Variants in AGBL4 observed in about 807,000 individuals in gnomAD.
AGBL4 encodes AGBL carboxypeptidase 4, also known as cytosolic carboxypeptidase 6.
AGBL4 carries 58 observed loss-of-function variants against 66.4 expected under a neutral mutation model. That is an observed-to-expected ratio of 0.87 (90% CI 0.71 to 1.09). AGBL4 has a LOEUF of 1.09. AGBL4 is among the 50% of genes least tolerant of loss of function. The probability of loss-of-function intolerance (pLI) is 0.00; values close to 1 mark genes in which losing one functional copy is unlikely to be tolerated. For missense variants in AGBL4, 579 were observed against 631.0 expected (o/e 0.92, Z 0.88); for synonymous variants, 234 against 222.9 (o/e 1.05, Z -0.44).
At chr1:49,945,166 C>A (rs1305574612) in intron 1 of AGBL4, among the ~76,000 whole-genome samples, 2 of 152,006 alleles carry the variant, frequency 1.3e-5, no homozygotes, top group African/African-American at 2.4e-5. Flanking sequence ...GGAAAACTTC[C>A]CCCAGCCTTG....
At chr1:49,442,336 A>G (rs2148670006) in intron 3 of AGBL4, among the ~76,000 whole-genome samples, 1 of 152,324 alleles carries the variant, frequency 6.6e-6, no homozygotes, top group East Asian at 1.9e-4. Flanking sequence ...AAGTGGGAAG[A>G]CTATTCCAAG....
chr1:49,259,085 A>C (rs1015260723), intron 3 of AGBL4, among the ~76,000 whole-genome samples: 246 of 152,246 alleles, frequency 1.6e-3, no homozygotes, highest in Non-Finnish European at 2.7e-3. Flanking sequence ...GAAATAAAAT[A>C]CCTTACAGAC....
At chr1:49,085,693 GCTGA>G (rs1182005995) in intron 4 of AGBL4, among the ~76,000 whole-genome samples, 2 of 152,022 alleles carry the variant, frequency 1.3e-5, no homozygotes, top group African/African-American at 2.4e-5. Context: ...TGGGCTCAGT[GCTGA>G]GGCAGAAAAA....
intron 3 of AGBL4, among the ~76,000 whole-genome samples, chr1:49,272,317 A>G (rs1644078157): frequency 6.6e-6 from 1 of 152,204 alleles, no homozygotes; most frequent in African/African-American, 2.4e-5. Flanking sequence ...TAGGCTCTAA[A>G]CATGACAAAT....
At chr1:48,624,009 A>T (rs1570043720) in intron 9 of AGBL4, among the ~76,000 whole-genome samples, 1 of 152,180 alleles carries the variant, frequency 6.6e-6, no homozygotes, top group Non-Finnish European at 1.5e-5. Context: ...TGGAGAAGCA[A>T]GTTTGGTCTA....
chr1:49,972,242 A>G (rs988066656), intron 1 of AGBL4, among the ~76,000 whole-genome samples: 1 of 151,856 alleles, frequency 6.6e-6, no homozygotes, highest in African/African-American at 2.4e-5. Flanking sequence ...TATATTGCCT[A>G]GTGGTGTTTT....
chr1:49,518,821 T>C (rs975569693), intron 3 of AGBL4, among the ~76,000 whole-genome samples: 1 of 152,068 alleles, frequency 6.6e-6, no homozygotes, highest in Non-Finnish European at 1.5e-5. Flanking sequence ...TTTTTAATAT[T>C]TGTCGTAACT....
intron 1 of AGBL4, among the ~76,000 whole-genome samples, chr1:49,924,029 T>G (rs1231742718): frequency 6.6e-6 from 1 of 152,204 alleles, no homozygotes; most frequent in African/African-American, 2.4e-5. Flanking sequence ...GTATGTTAAT[T>G]GCAGCACTAT....
chr1:48,902,225 A>G (rs1411330465), intron 5 of AGBL4, among the ~76,000 whole-genome samples: 1 of 152,210 alleles, frequency 6.6e-6, no homozygotes, highest in African/African-American at 2.4e-5. Flanking sequence ...AAATGTATCA[A>G]ATTGTACAGT....
At chr1:49,246,527 A>G (rs1289851152) in intron 3 of AGBL4, among the ~76,000 whole-genome samples, 1 of 151,856 alleles carries the variant, frequency 6.6e-6, no homozygotes, top group East Asian at 1.9e-4. Flanking sequence ...ATCTCAGCAT[A>G]CGTTTATAGC....
intron 5 of AGBL4, among the ~76,000 whole-genome samples, chr1:48,873,447 CT>C (rs1270524384): frequency 6.6e-6 from 1 of 152,108 alleles, no homozygotes; most frequent in African/African-American, 2.4e-5. Context: ...GGTCCTTCCC[CT>C]GTCCTTCCCC....
chr1:48,684,626 T>G (rs1326899144), intron 6 of AGBL4, among the ~76,000 whole-genome samples: 4 of 152,178 alleles, frequency 2.6e-5, no homozygotes, highest in Non-Finnish European at 5.9e-5. Flanking sequence ...CACTTATGCC[T>G]AACATTGTGA....
intron 1 of AGBL4, among the ~76,000 whole-genome samples, chr1:50,003,333 T>C (rs913228192): frequency 6.6e-6 from 1 of 152,232 alleles, no homozygotes; most frequent in African/African-American, 2.4e-5. Flanking sequence ...TATTACCCAG[T>C]GCATTCAAAG....
intron 4 of AGBL4, among the ~76,000 whole-genome samples, chr1:49,201,133 T>G (rs1647666113): frequency 6.6e-6 from 1 of 152,186 alleles, no homozygotes; most frequent in Non-Finnish European, 1.5e-5. Context: ...GGCTCTATAT[T>G]AGATGGGCTT....
chr1:49,518,782 C>G (rs541551020), intron 3 of AGBL4, among the ~76,000 whole-genome samples: 18 of 152,128 alleles, frequency 1.2e-4, no homozygotes, highest in African/African-American at 3.9e-4. Flanking sequence ...ATGTATGAAT[C>G]ACAAAATACT....
chr1:49,251,221 T>A (rs1312049751), intron 3 of AGBL4, among the ~76,000 whole-genome samples: 2 of 152,150 alleles, frequency 1.3e-5, no homozygotes, highest in Admixed American at 1.3e-4. Context: ...TCAATGGCCA[T>A]GCACCAGCTG....
At chr1:49,742,304 G>A (rs1650575004) in intron 2 of AGBL4, among the ~76,000 whole-genome samples, 1 of 151,620 alleles carries the variant, frequency 6.6e-6, no homozygotes, top group Non-Finnish European at 1.5e-5. Context: ...ATTCACAATT[G>A]CTTCAAAGAG....
At chr1:49,256,519 T>A (rs1329638751) in intron 3 of AGBL4, among the ~76,000 whole-genome samples, 1 of 152,162 alleles carries the variant, frequency 6.6e-6, no homozygotes, top group Admixed American at 6.5e-5. Context: ...TAAAACATTG[T>A]TGAGACAAAT....
chr1:48,732,838 C>T (rs924617087), intron 6 of AGBL4, among the ~76,000 whole-genome samples: 3 of 152,016 alleles, frequency 2.0e-5, no homozygotes, highest in South Asian at 2.1e-4. Context: ...GTAGGATCAG[C>T]GAGAAGATGG....
Sources: allele counts gnomAD v4.1 joint callset (sites outside exome capture counted in the v4.1 genomes callset), GRCh38; gene constraint gnomAD v4.1.1; transcripts MANE v1.5; gene names NCBI Gene and HGNC (gene_info 2026-07-23, HGNC 2026-07-21).